CSMD3: variants seen among roughly 807,000 people sequenced by gnomAD.
The protein encoded by CSMD3 is CUB and sushi domain-containing protein 3.
A neutral mutation model predicts 435.2 loss-of-function variants in CSMD3; 177 were observed. The observed-to-expected ratio is 0.41, with a 90% CI of 0.36 to 0.46. The LOEUF is 0.46. CSMD3 is among the 20% of genes least tolerant of loss of function. The probability of loss-of-function intolerance (pLI) is 0.34; values close to 1 mark genes in which losing one functional copy is unlikely to be tolerated. For synonymous variants in CSMD3, 1,656 were observed against 1,520.5 expected, an observed-to-expected ratio of 1.09 and a Z score of -2.07; for missense variants, 4,265 against 4,504.6, an observed-to-expected ratio of 0.95 and a Z score of 1.52.
intron 23 of CSMD3, among the ~76,000 whole-genome samples, chr8:112,574,656 AG>A (rs1447842078): frequency 6.6e-6 from 1 of 151,944 alleles, no homozygotes; most frequent in South Asian, 2.1e-4. Flanking sequence ...TGACCCCCAA[AG>A]GTGTAAAAAT....
At chr8:112,823,787 T>C (rs231296) in intron 12 of CSMD3, among the ~76,000 whole-genome samples, 31,264 of 152,152 alleles carry the variant, frequency 0.21, 4,037 homozygotes, top group Non-Finnish European at 0.3. Flanking sequence ...CTGAGAAGAA[T>C]ATATATTCTG....
chr8:112,779,181 G>GCGTGTGTGT (rs2078319409), intron 13 of CSMD3, among the ~76,000 whole-genome samples: 1 of 131,212 alleles, frequency 7.6e-6, no homozygotes, highest in African/African-American at 3.3e-5. Flanking sequence ...GTGTGTGTTT[G>GCGTGTGTGT]CGTGTGTGTG....
intron 4 of CSMD3, among the ~76,000 whole-genome samples, chr8:113,115,585 G>A (rs757778409): frequency 3.9e-5 from 6 of 152,052 alleles, no homozygotes; most frequent in Non-Finnish European, 5.9e-5. Flanking sequence ...CTTTCAATCC[G>A]CTATTCTTTG....
intron 10 of CSMD3, among the ~76,000 whole-genome samples, chr8:112,905,341 T>C (rs982345019): frequency 2.7e-4 from 34 of 128,072 alleles, no homozygotes; most frequent in African/African-American, 6.0e-4. Flanking sequence ...CACACACACA[T>C]ATATATCAAA....
rs188979939 is a variant in CSMD3 at position 113,375,725 on chromosome 8, T to C, written c.179-60932A>G. 3.5e-3 allele frequency among the ~76,000 whole-genome samples: 534 copies of C among 152,236 alleles called. 8 individuals carry two copies. The highest frequency in any genetic ancestry group is 0.012 in the African/African-American group (514 of 41,530). On this transcript the variant is annotated intron_variant, in intron 1 of 70. Transcript: ENST00000297405. The stretch of plus-strand genomic sequence containing the variant: ...AGCGGGATTTGATTTTTTAAAATTC[T>C]GCCAACATAAAATCGGAGTAGCTTA...
intron 9 of CSMD3, among the ~76,000 whole-genome samples, chr8:112,940,903 G>C (rs1327520782): frequency 1.3e-5 from 2 of 151,772 alleles, no homozygotes; most frequent in African/African-American, 4.8e-5. Flanking sequence ...CTAAACTGCA[G>C]TTTTGCTGTT....
chr8:112,879,683 T>A (rs1349590606), intron 10 of CSMD3, among the ~76,000 whole-genome samples: 2 of 152,018 alleles, frequency 1.3e-5, no homozygotes, highest in African/African-American at 4.8e-5. Context: ...TTATACTCTT[T>A]CTCTTTATTT....
At chr8:112,926,238 A>ATATG (rs966434231) in intron 9 of CSMD3, among the ~76,000 whole-genome samples, 2 of 58,984 alleles carry the variant, frequency 3.4e-5, no homozygotes, top group African/African-American at 1.0e-4. Context: ...CACTCATTAA[A>ATATG]TATGTGTGTG....
At chr8:112,341,363 G>GTT (rs79227508) in intron 42 of CSMD3, 114 bp downstream of exon 42, 3,750 of 657,408 alleles carry the variant, frequency 5.7e-3, no homozygotes, top group South Asian at 9.3e-3. Flanking sequence ...CTTGGCTTAA[G>GTT]TTTTTTTTTT....
chr8:112,712,671 G>A (rs1348770990), intron 13 of CSMD3, among the ~76,000 whole-genome samples: 1 of 151,974 alleles, frequency 6.6e-6, no homozygotes, highest in Non-Finnish European at 1.5e-5. Context: ...TTTGTGCCTT[G>A]TAGTCTTTTA....
At chr8:112,502,395 G>A (rs1013872023) in intron 30 of CSMD3, among the ~76,000 whole-genome samples, 2 of 152,126 alleles carry the variant, frequency 1.3e-5, no homozygotes, top group Admixed American at 6.5e-5. Flanking sequence ...AGAGACTTAC[G>A]GAGGGATCAA....
At chr8:112,514,492 T>G (rs1473701207) in intron 28 of CSMD3, among the ~76,000 whole-genome samples, 1 of 152,188 alleles carries the variant, frequency 6.6e-6, no homozygotes, top group African/African-American at 2.4e-5. Flanking sequence ...TATTGATAAC[T>G]ATTTTAAAAT....
At chr8:113,165,550 G>A (rs538856954) in intron 4 of CSMD3, among the ~76,000 whole-genome samples, 15 of 152,002 alleles carry the variant, frequency 9.9e-5, no homozygotes, top group South Asian at 2.1e-4. Context: ...AGAGACTGAC[G>A]TTTTTCTTTG....
chr8:112,843,312 G>C (rs1026457461), intron 11 of CSMD3, among the ~76,000 whole-genome samples: 1 of 151,860 alleles, frequency 6.6e-6, no homozygotes, highest in Non-Finnish European at 1.5e-5. Flanking sequence ...GCTCATAAAA[G>C]AGGCAGCATT....
chr8:113,391,494 C>T (rs986663013), intron 1 of CSMD3, among the ~76,000 whole-genome samples: 3 of 151,968 alleles, frequency 2.0e-5, no homozygotes, highest in Non-Finnish European at 4.4e-5. Context: ...AATGTCATAA[C>T]TGTGACAATG....
intron 1 of CSMD3, among the ~76,000 whole-genome samples, chr8:113,360,570 C>CTTT (rs35009987): frequency 3.4e-5 from 3 of 88,910 alleles, no homozygotes; most frequent in African/African-American, 9.3e-5. Flanking sequence ...TGACTTCAGT[C>CTTT]TTTTTTTTTT....
intron 5 of CSMD3, among the ~76,000 whole-genome samples, chr8:113,045,446 T>A (rs2087789187): frequency 6.7e-6 from 1 of 149,474 alleles, no homozygotes; most frequent in South Asian, 2.1e-4. Context: ...AATATATGCC[T>A]TTAAATATGT....
At chr8:113,232,544 T>A (rs2093100395) in intron 3 of CSMD3, among the ~76,000 whole-genome samples, 1 of 151,764 alleles carries the variant, frequency 6.6e-6, no homozygotes, top group East Asian at 1.9e-4. Context: ...ATGGATTCTA[T>A]TTTGAATAGC....
At chr8:112,536,128 C>T (rs1357326385) in intron 27 of CSMD3, among the ~76,000 whole-genome samples, 17 of 151,980 alleles carry the variant, frequency 1.1e-4, no homozygotes, top group East Asian at 3.9e-4. Flanking sequence ...ACTTCATGTC[C>T]AAAACACCAA....
Sources: allele counts gnomAD v4.1 joint callset (sites outside exome capture counted in the v4.1 genomes callset), GRCh38; gene constraint gnomAD v4.1.1; transcripts MANE v1.5; gene names NCBI Gene and HGNC (gene_info 2026-07-23, HGNC 2026-07-21).